WNK1: variants seen among roughly 807,000 people sequenced by gnomAD.
The protein encoded by WNK1 is WNK lysine deficient protein kinase 1.
In WNK1, 38 loss-of-function variants were observed where a neutral mutation model predicts 222.8. That is an observed-to-expected ratio of 0.17 (90% CI 0.13 to 0.22). The LOEUF is 0.22. Ranked by LOEUF, WNK1 falls within the 10% of genes least tolerant of loss-of-function variation. The pLI, the probability that WNK1 is intolerant of heterozygous loss-of-function variation, is 1.00. For missense variants in WNK1, 2,348 were observed against 2,918.4 expected (o/e 0.80, Z 4.50); for synonymous variants, 1,090 against 1,092.9 (o/e 1.00, Z 0.05).
At chr12:834,485 T>C (rs1271228509) in intron 4 of WNK1, among the ~76,000 whole-genome samples, 3 of 152,214 alleles carry the variant, frequency 2.0e-5, no homozygotes, top group Non-Finnish European at 2.9e-5. Context: ...TAGAGTAATA[T>C]CCAGGATTCA....
chr12:791,807 T>A (rs559290195), intron 1 of WNK1, among the ~76,000 whole-genome samples: 3 of 152,314 alleles, frequency 2.0e-5, no homozygotes, highest in East Asian at 3.9e-4. Context: ...AATTGGGGGA[T>A]GATGTTTCTT....
rs779955391 is a variant in WNK1, at chr12:862,196, A to G, written c.2065A>G (p.Thr689Ala). The change falls in exon 8 of 28, where the codon ACA (threonine) becomes GCA (alanine). Residue 689 changes from threonine to alanine, a missense_variant. Thr to Ala is a moderately conservative substitution (Grantham distance 58, BLOSUM62 0). Coordinates refer to ENST00000315939, the MANE Select transcript of WNK1 (RefSeq NM_018979.4). ...SQHEQAHSTG[T>A]VPGHIPSTVQ... is the part of the protein sequence containing the mutation. ...ACATGAACAGGCACATTCTACAGGC[A>G]CAGTCCCAGGGCATATACCTTCTAC... The G allele has an allele frequency of 1.9e-6, 3 of 1,614,008 alleles. No individual in the cohort carries two copies. In the East Asian group the frequency reaches 6.7e-5, roughly 36 times the overall value.
chr12:886,894 A>G (rs72650739), intron 19 of WNK1, among the ~76,000 whole-genome samples: 10,577 of 152,238 alleles, frequency 0.069, 435 homozygotes, highest in African/African-American at 0.086. Flanking sequence ...TCTGATACAT[A>G]CTGTACCAAA....
rs142898511 is a variant in WNK1, at chr12:797,455, G to A, written c.760-16187G>A. Among the ~76,000 whole-genome samples the A allele has an allele frequency of 3.2e-4, 49 of 152,260 alleles. No individual in the cohort carries two copies. The East Asian group carries it at 9.2e-3, about 29-fold the overall frequency. On this transcript the variant is annotated intron_variant, in intron 1 of 27. Transcript: ENST00000315939. ...TTTTATAAAAAGGTAGATTTTGGGG[G>A]AATGTTAGATTTTCAAATGATCGTA... is the stretch of plus-strand genomic sequence containing the variant.
At position 899,565 on chromosome 12, in the gene WNK1, G is replaced by A. The variant is rs550719498; in HGVS notation, c.6449-911G>A. The stretch of plus-strand genomic sequence containing the variant: ...CCCAAAGTGCGGATTACAGGCATGA[G>A]CCACTATGCCCAGCTATGATCCTAA... On this transcript the variant is annotated intron_variant, in intron 25 of 27. Transcript: ENST00000315939. Among the ~76,000 whole-genome samples, 18 of 152,316 alleles carry A rather than the reference G, an allele frequency of 1.2e-4. No individual in the cohort carries two copies. The South Asian group carries it at 3.7e-3, about 32-fold the overall frequency.
In WNK1 at chr12:908,808, C is replaced by T; in HGVS notation, c.*16C>T. On this transcript the variant is annotated 3_prime_UTR_variant, in exon 28 of 28. Coordinates refer to ENST00000315939, the MANE Select transcript of WNK1 (RefSeq NM_018979.4). ...GACCACTTAGACCTAGAGACATTAACTGAATAGATCTGGGGGCAGGAGATG... is the reference window on the plus strand; with the variant it reads ...GACCACTTAGACCTAGAGACATTAATTGAATAGATCTGGGGGCAGGAGATG... 1 of 1,336,442 alleles carries T rather than the reference C, an allele frequency of 7.5e-7. No individual in the cohort carries two copies. The allele number at this position is 1,336,442 out of a possible 1,614,324, so 82.8% of individuals were successfully genotyped here.
At chr12:897,799 C>T (rs1954877783) in intron 25 of WNK1, 118 bp downstream of exon 25, 2 of 1,136,176 alleles carry the variant, frequency 1.8e-6, no homozygotes, top group Middle Eastern at 2.8e-4. Context: ...ATTTGGCTCT[C>T]CTGATATTTT....
In WNK1 at chr12:778,356, G is replaced by A. The variant is rs562047721; in HGVS notation, c.759+24032G>A. ...CTTTTTCTTTCTTTTTTTCTGAGAC[G>A]GAGTCTCACCCTGTCACCCAGGCTA... On this transcript the variant is annotated intron_variant, in intron 1 of 27. Transcript: ENST00000315939. 2.4e-4 allele frequency among the ~76,000 whole-genome samples: 36 copies of A among 149,110 alleles called. No individual in the cohort carries two copies. The South Asian group carries it at 5.5e-3, about 23-fold the overall frequency.
intron 4 of WNK1, among the ~76,000 whole-genome samples, chr12:850,323 G>T (rs1398549275): frequency 1.3e-5 from 2 of 152,058 alleles, no homozygotes; most frequent in Admixed American, 6.6e-5. Context: ...GGCCAGTGAT[G>T]ATGAGCATTT....
In WNK1 at chr12:795,710, TTC is replaced by T. The variant is rs374710446; in HGVS notation, c.760-17931_760-17930del. Among the ~76,000 whole-genome samples, 59 of 152,276 alleles carry T rather than the reference TTC, an allele frequency of 3.9e-4. No individual in the cohort carries two copies. The South Asian group carries it at 0.012, about 32-fold the overall frequency. On this transcript the variant is annotated intron_variant, in intron 1 of 27. Transcript: ENST00000315939. Reference sequence around the variant, plus strand: ...AGTTCGTGTCTTTCTAGGAATTTCTTTCCATTTTATCTAGATCATCTACTCTC... The same window carrying T: ...AGTTCGTGTCTTTCTAGGAATTTCTTCATTTTATCTAGATCATCTACTCTC...
intron 26 of WNK1, among the ~76,000 whole-genome samples, chr12:901,246 C>CAAAAA (rs1955228413): frequency 2.6e-5 from 4 of 152,198 alleles, no homozygotes; most frequent in Admixed American, 1.3e-4. Flanking sequence ...AATATAGGTA[C>CAAAAA]TGGCTTATGT....
At chr12:755,541 A>G (rs933206182) in intron 1 of WNK1, among the ~76,000 whole-genome samples, 1 of 152,226 alleles carries the variant, frequency 6.6e-6, no homozygotes, top group African/African-American at 2.4e-5. Context: ...TTTACAGTTA[A>G]TGATGTAGAA....
intron 8 of WNK1, among the ~76,000 whole-genome samples, chr12:870,912 A>T: frequency 6.6e-6 from 1 of 152,198 alleles, no homozygotes; most frequent in East Asian, 1.9e-4. Flanking sequence ...TAAATTTCAG[A>T]TTGATAGTAT....
At chr12:878,026 C>A in intron 9 of WNK1, 186 bp from the exon 10 acceptor site, 1 of 713,318 alleles carries the variant, frequency 1.4e-6, no homozygotes, top group Non-Finnish European at 2.3e-6. Flanking sequence ...CTGGTGGCAC[C>A]ATCACAAAGA....
intron 27 of WNK1, 29 bp downstream of exon 27, chr12:908,063 C>A: frequency 6.2e-7 from 1 of 1,611,368 alleles, no homozygotes; most frequent in South Asian, 1.1e-5. Context: ...GCAGAGAATC[C>A]GTAACACACA....
intron 26 of WNK1, among the ~76,000 whole-genome samples, chr12:902,942 G>T (rs1955393234): frequency 6.6e-6 from 1 of 152,186 alleles, no homozygotes; most frequent in Non-Finnish European, 1.5e-5. Context: ...AACTTCTGAT[G>T]TGATTATTGA....
At chr12:831,958 T>C (rs79575185) in intron 4 of WNK1, among the ~76,000 whole-genome samples, 10,171 of 152,312 alleles carry the variant, frequency 0.067, 400 homozygotes, top group African/African-American at 0.081. Flanking sequence ...TAGTATCTCA[T>C]TATTTCATTT....
chr12:764,228 G>A (rs1030471195), intron 1 of WNK1, among the ~76,000 whole-genome samples: 1 of 147,832 alleles, frequency 6.8e-6, no homozygotes, highest in Non-Finnish European at 1.5e-5. Flanking sequence ...AAAATTTCAA[G>A]AAAATAATAC....
intron 26 of WNK1, chr12:904,434 T>G (rs1399977581): frequency 1.6e-6 from 2 of 1,288,858 alleles, no homozygotes; most frequent in African/African-American, 1.5e-5. Context: ...AACACATTGC[T>G]TCTCTCTTTG....
Sources: gnomAD v4.1 joint callset for allele counts (sites outside exome capture counted in the v4.1 genomes callset) on GRCh38, gnomAD v4.1.1 for gene constraint, MANE v1.5 for transcripts, NCBI Gene and HGNC (gene_info 2026-07-23, HGNC 2026-07-21) for gene names.